ZMIZ1: variants seen among roughly 807,000 people sequenced by gnomAD.
ZMIZ1 encodes zinc finger MIZ-type containing 1.
A neutral mutation model predicts 113.9 loss-of-function variants in ZMIZ1; 17 were observed. The ratio of observed to expected loss-of-function variants is 0.15; its 90% CI spans 0.10 to 0.22. The LOEUF is 0.22. ZMIZ1 is among the 10% of genes least tolerant of loss of function. The probability of loss-of-function intolerance (pLI) is 1.00; values close to 1 mark genes in which losing one functional copy is unlikely to be tolerated. For synonymous variants in ZMIZ1, 607 were observed against 603.1 expected (o/e 1.01, Z -0.09); for missense variants, 1,059 against 1,477.8 (o/e 0.72, Z 4.65).
At chr10:79,265,942 T>A (rs921427026) in intron 7 of ZMIZ1, among the ~76,000 whole-genome samples, 3 of 152,226 alleles carry the variant, frequency 2.0e-5, no homozygotes, top group Non-Finnish European at 4.4e-5. Flanking sequence ...CCCTTCCATC[T>A]GTAATCCCTG....
intron 4 of ZMIZ1, among the ~76,000 whole-genome samples, chr10:79,163,211 A>G (rs1037726362): frequency 1.3e-5 from 2 of 152,214 alleles, no homozygotes; most frequent in Non-Finnish European, 2.9e-5. Flanking sequence ...TGCTGCCCTC[A>G]GCGTCCCTCC....
At chr10:79,233,681 G>A (rs1479174481) in intron 7 of ZMIZ1, among the ~76,000 whole-genome samples, 6 of 149,260 alleles carry the variant, frequency 4.0e-5, no homozygotes, top group South Asian at 2.1e-4. Context: ...CCTGGAGAGC[G>A]TCACCCCAGA....
chr10:79,246,037 A>G (rs1850175419), intron 7 of ZMIZ1, among the ~76,000 whole-genome samples: 1 of 152,272 alleles, frequency 6.6e-6, no homozygotes, highest in African/African-American at 2.4e-5. Context: ...AGTCTGTTAG[A>G]TAAAGAGACC....
chr10:79,215,080 A>C (rs1249541669), intron 6 of ZMIZ1, among the ~76,000 whole-genome samples: 4 of 152,108 alleles, frequency 2.6e-5, no homozygotes, highest in Non-Finnish European at 1.5e-5. Context: ...GGCTCCAAAC[A>C]CACCATTGCT....
chr10:79,273,422 C>T (rs1175552490), intron 7 of ZMIZ1, among the ~76,000 whole-genome samples: 2 of 152,112 alleles, frequency 1.3e-5, no homozygotes, highest in African/African-American at 4.8e-5. Flanking sequence ...AGGGCAGTGA[C>T]GCGATCTCAG....
chr10:79,086,655 C>T (rs1271832987), intron 1 of ZMIZ1, among the ~76,000 whole-genome samples: 21 of 152,108 alleles, frequency 1.4e-4, no homozygotes, highest in Admixed American at 5.2e-4. Context: ...ACTACCGGCA[C>T]GAGCCATCAC....
intron 7 of ZMIZ1, among the ~76,000 whole-genome samples, chr10:79,250,087 C>T (rs533728797): frequency 1.4e-4 from 21 of 152,298 alleles, no homozygotes; most frequent in African/African-American, 4.6e-4. Context: ...CCCATAGTAA[C>T]GTCTCAGTAG....
Position 79,296,476 on chromosome 10 carries a change from C to T in ZMIZ1, c.1236C>T (p.Asn412=), listed in dbSNP as rs1241990414. The change falls in exon 13 of 25, where the codon AAC becomes AAT. Residue 412 remains asparagine, a synonymous_variant. Transcript: ENST00000334512. The surrounding 1 kb of genome is among the most constrained non-coding windows in gnomAD (Gnocchi z 4.1). ...NIKRPYPGEP[N]YGNQQYGPNS... ...TCCTTTCTCTCCCACCACAGCCCAA[C>T]TATGGAAACCAGCAATATGGACCAA... 6.2e-7 allele frequency: 1 copy of T among 1,614,012 alleles called. No individual in the cohort carries two copies. The highest frequency in any genetic ancestry group is 2.2e-5 in the East Asian group (1 of 44,870).
chr10:79,143,080 G>A (rs1845343144), intron 3 of ZMIZ1, among the ~76,000 whole-genome samples: 1 of 152,096 alleles, frequency 6.6e-6, no homozygotes, highest in South Asian at 2.1e-4. Flanking sequence ...CTCTTTCTCA[G>A]CCTCTACTGC....
chr10:79,125,921 A>C (rs555447140), intron 2 of ZMIZ1, among the ~76,000 whole-genome samples: 50 of 152,310 alleles, frequency 3.3e-4, no homozygotes, highest in African/African-American at 1.1e-3. Flanking sequence ...ATGGGGGTGC[A>C]GAGGCTGGCA....
At chr10:79,156,526 T>C (rs1845908268) in intron 3 of ZMIZ1, among the ~76,000 whole-genome samples, 1 of 152,182 alleles carries the variant, frequency 6.6e-6, no homozygotes. Flanking sequence ...CTTTCGAGCC[T>C]TCCCCATGGG....
At chr10:79,157,126 G>A (rs375975989) in intron 3 of ZMIZ1, among the ~76,000 whole-genome samples, 5 of 150,150 alleles carry the variant, frequency 3.3e-5, no homozygotes, top group South Asian at 2.1e-4. Flanking sequence ...TGCACAAGGC[G>A]CCATGTAGGG....
intron 4 of ZMIZ1, among the ~76,000 whole-genome samples, chr10:79,190,442 G>T (rs1028416784): frequency 6.6e-6 from 1 of 152,210 alleles, no homozygotes; most frequent in Admixed American, 6.5e-5. Context: ...ATAGGCCTGC[G>T]CAGATCCCAG....
chr10:79,160,821 G>A (rs1364306833), intron 3 of ZMIZ1, among the ~76,000 whole-genome samples: 1 of 152,250 alleles, frequency 6.6e-6, no homozygotes, highest in South Asian at 2.1e-4. Flanking sequence ...TGTGAGCCAC[G>A]ATCTTTGTTC....
At chr10:79,196,941 A>C (rs1847857787) in intron 4 of ZMIZ1, among the ~76,000 whole-genome samples, 1 of 152,184 alleles carries the variant, frequency 6.6e-6, no homozygotes, top group Non-Finnish European at 1.5e-5. Flanking sequence ...CTGGGTGCTC[A>C]CTGGAGTGAG....
intron 3 of ZMIZ1, among the ~76,000 whole-genome samples, chr10:79,152,133 C>T (rs1845739908): frequency 6.6e-6 from 1 of 152,200 alleles, no homozygotes; most frequent in Admixed American, 6.5e-5. Flanking sequence ...CCAATTTCCC[C>T]CATTGAAGAG....
chr10:79,181,508 G>A (rs1056841045), intron 4 of ZMIZ1, among the ~76,000 whole-genome samples: 44 of 152,190 alleles, frequency 2.9e-4, no homozygotes, highest in South Asian at 2.1e-4. Flanking sequence ...CCTGCCCACC[G>A]GCTGCAACCA....
intron 1 of ZMIZ1, among the ~76,000 whole-genome samples, chr10:79,083,918 A>G (rs1472034969): frequency 6.6e-6 from 1 of 152,110 alleles, no homozygotes; most frequent in Non-Finnish European, 1.5e-5. Flanking sequence ...TGGCCTTTTA[A>G]CAGTTGGAAA....
chr10:79,089,580 G>A (rs971579238), intron 1 of ZMIZ1, among the ~76,000 whole-genome samples: 10 of 152,154 alleles, frequency 6.6e-5, no homozygotes, highest in Non-Finnish European at 1.3e-4. Flanking sequence ...GTAGAAATTA[G>A]GGGTTCTGGG....
Sources: allele counts gnomAD v4.1 joint callset (sites outside exome capture counted in the v4.1 genomes callset), GRCh38; gene constraint gnomAD v4.1.1; non-coding constraint Gnocchi (gnomAD v3.1); transcripts MANE v1.5; gene names NCBI Gene and HGNC (gene_info 2026-07-23, HGNC 2026-07-21).